Variants in SRGAP3 observed in about 807,000 individuals in gnomAD.
SRGAP3 encodes SLIT-ROBO Rho GTPase-activating protein 3.
In SRGAP3, 39 loss-of-function variants were observed where a neutral mutation model predicts 121.1. The observed-to-expected ratio is 0.32, with a 90% confidence interval of 0.25 to 0.42. SRGAP3 has a LOEUF of 0.42. Ranked by LOEUF, SRGAP3 falls within the 10% of genes least tolerant of loss-of-function variation. SRGAP3 has a pLI of 1.00. For missense variants in SRGAP3, 1,213 were observed against 1,470.6 expected (o/e 0.82, Z 2.86); for synonymous variants, 601 against 570.0 (o/e 1.05, Z -0.77).
intron 3 of SRGAP3, among the ~76,000 whole-genome samples, chr3:9,286,245 C>T (rs2125267851): frequency 6.6e-6 from 1 of 152,040 alleles, no homozygotes; most frequent in South Asian, 2.1e-4. Context: ...ACTTTCTTCT[C>T]GTTTATCTGT....
intron 1 of SRGAP3, among the ~76,000 whole-genome samples, chr3:9,166,084 C>T (rs543533624): frequency 2.0e-5 from 3 of 152,288 alleles, no homozygotes; most frequent in East Asian, 3.9e-4. Context: ...TCCCCAAACC[C>T]AAGCCTTCCC....
At chr3:9,120,066 A>G (rs1948948315) in intron 2 of SRGAP3, among the ~76,000 whole-genome samples, 1 of 152,208 alleles carries the variant, frequency 6.6e-6, no homozygotes, top group Admixed American at 6.5e-5. Flanking sequence ...CATCATAGCA[A>G]TCATTGGATT....
intron 1 of SRGAP3, among the ~76,000 whole-genome samples, chr3:9,358,213 C>T (rs991673747): frequency 6.6e-6 from 1 of 151,758 alleles, no homozygotes; most frequent in Non-Finnish European, 1.5e-5. Context: ...AGAAACTCTA[C>T]CCCCTTTAGC....
chr3:9,004,567 T>C (rs970025084), intron 18 of SRGAP3, among the ~76,000 whole-genome samples: 6 of 152,200 alleles, frequency 3.9e-5, no homozygotes, highest in African/African-American at 1.4e-4. Context: ...AACACAGAGA[T>C]AGACATATTG....
At chr3:9,172,534 T>TC (rs1259871554) in intron 1 of SRGAP3, among the ~76,000 whole-genome samples, 1 of 152,064 alleles carries the variant, frequency 6.6e-6, no homozygotes, top group Non-Finnish European at 1.5e-5. Flanking sequence ...ACCAATACCT[T>TC]CCCCCAAACC....
intron 1 of SRGAP3, chr3:9,337,495 A>T (rs1478035303): frequency 6.6e-6 from 1 of 152,218 alleles, no homozygotes; most frequent in Non-Finnish European, 1.5e-5. Context: ...AGAATCCCTC[A>T]TGAATAGATT....
intron 15 of SRGAP3, chr3:9,014,157 A>G: frequency 2.3e-6 from 1 of 435,086 alleles, no homozygotes; most frequent in Non-Finnish European, 4.3e-6. Flanking sequence ...GGGGCCCCTG[A>G]GAGGAGGATC....
At chr3:9,041,855 C>T (rs929797657) in intron 10 of SRGAP3, among the ~76,000 whole-genome samples, 7 of 152,168 alleles carry the variant, frequency 4.6e-5, no homozygotes, top group African/African-American at 1.4e-4. Flanking sequence ...AATCCCAGCA[C>T]TTTCGGAGGC....
At chr3:9,323,840 T>A (rs1015873892) in intron 3 of SRGAP3, among the ~76,000 whole-genome samples, 1 of 148,158 alleles carries the variant, frequency 6.7e-6, no homozygotes, top group African/African-American at 2.6e-5. Context: ...TATTCATATA[T>A]GCATACCACT....
chr3:9,284,210 T>A (rs898357121), intron 3 of SRGAP3, among the ~76,000 whole-genome samples: 1 of 152,148 alleles, frequency 6.6e-6, no homozygotes, highest in Non-Finnish European at 1.5e-5. Flanking sequence ...ACCATCCTAC[T>A]TCGGTATGCC....
intron 1 of SRGAP3, among the ~76,000 whole-genome samples, chr3:9,149,310 C>G (rs1302365325): frequency 2.6e-5 from 4 of 152,074 alleles, no homozygotes. Flanking sequence ...TAGTTGAGAG[C>G]TGGCCAAGTT....
intron 1 of SRGAP3, among the ~76,000 whole-genome samples, chr3:9,338,504 T>C (rs976540009): frequency 2.0e-5 from 3 of 152,186 alleles, no homozygotes; most frequent in African/African-American, 4.8e-5. Context: ...AGCATTGGGA[T>C]GGAAACTAAG....
chr3:9,089,506 A>G (rs1947653188), intron 3 of SRGAP3, among the ~76,000 whole-genome samples: 1 of 152,200 alleles, frequency 6.6e-6, no homozygotes, highest in Non-Finnish European at 1.5e-5. Context: ...AATGGAGATG[A>G]GTCCAGACCA....
intron 1 of SRGAP3, among the ~76,000 whole-genome samples, chr3:9,232,168 A>G (rs1163538592): frequency 6.6e-6 from 1 of 152,234 alleles, no homozygotes; most frequent in African/African-American, 2.4e-5. Context: ...CACCACAGTA[A>G]GTTCAGCATA....
rs561953217 is a variant in SRGAP3, at chr3:9,172,098, T to C, written c.68-47181A>G. Reference sequence around the variant, plus strand: ...TCCAAATGACTTTTTCTTTTCTTTTTTTTTTTTTTTTTTGAGACAGGGTCT... The same window carrying C: ...TCCAAATGACTTTTTCTTTTCTTTTCTTTTTTTTTTTTTGAGACAGGGTCT... On this transcript the variant is annotated intron_variant, in intron 1 of 21. Transcript: ENST00000383836. Among the ~76,000 whole-genome samples the C allele has an allele frequency of 4.6e-3, 683 of 149,446 alleles. 9 individuals are homozygous for C. Among genetic ancestry groups the C allele is most frequent in the African/African-American group, 0.015 (615 of 40,764 alleles).
chr3:9,224,060 G>C (rs912539631), intron 1 of SRGAP3, among the ~76,000 whole-genome samples: 1 of 152,120 alleles, frequency 6.6e-6, no homozygotes, highest in African/African-American at 2.4e-5. Context: ...CTGCAGAAGA[G>C]AAGGCCTGAC....
At chr3:9,347,650 T>A (rs1955931236) in intron 1 of SRGAP3, among the ~76,000 whole-genome samples, 1 of 152,240 alleles carries the variant, frequency 6.6e-6, no homozygotes, top group Non-Finnish European at 1.5e-5. Context: ...TATAAGTTAC[T>A]ATCCAAGGAA....
At chr3:9,098,836 G>T (rs1948094006) in intron 3 of SRGAP3, among the ~76,000 whole-genome samples, 1 of 152,190 alleles carries the variant, frequency 6.6e-6, no homozygotes, top group African/African-American at 2.4e-5. Flanking sequence ...TTTATTAAAT[G>T]AGTTGGGAGT....
intron 1 of SRGAP3, among the ~76,000 whole-genome samples, chr3:9,230,848 C>A (rs1953179884): frequency 1.4e-5 from 2 of 147,702 alleles, no homozygotes; most frequent in Non-Finnish European, 3.0e-5. Context: ...CTGAGTAAGA[C>A]CCTATCTCAA....
Sources: allele counts gnomAD v4.1 joint callset (sites outside exome capture counted in the v4.1 genomes callset), GRCh38; gene constraint gnomAD v4.1.1; transcripts MANE v1.5; gene names NCBI Gene and HGNC (gene_info 2026-07-23, HGNC 2026-07-21).